FBXO31: variants seen among roughly 807,000 people sequenced by gnomAD.
FBXO31 encodes the protein F-box only protein 31.
A neutral mutation model predicts 54.4 loss-of-function variants in FBXO31; 24 were observed. The ratio of observed to expected loss-of-function variants is 0.44; its 90% CI spans 0.32 to 0.62. The LOEUF is 0.62. Among genes scored for constraint, FBXO31 ranks in the 20% least tolerant of loss-of-function variants. The pLI is 0.05. For synonymous variants in FBXO31, 388 were observed against 335.6 expected (o/e 1.16, Z -1.71); for missense variants, 665 against 787.1 (o/e 0.84, Z 1.86).
At chr16:87,387,088 C>T (rs1390342071), upstream of FBXO31, among the ~76,000 whole-genome samples, 1 of 151,594 alleles carries the variant, frequency 6.6e-6, no homozygotes, top group East Asian at 2.0e-4. Flanking sequence ...TGCTTGAGCC[C>T]AGGAGACTAG....
chr16:87,388,425 C>T (rs973176478), upstream of FBXO31, among the ~76,000 whole-genome samples: 3 of 152,212 alleles, frequency 2.0e-5, no homozygotes, highest in East Asian at 5.8e-4. Context: ...AAGAGCAAAG[C>T]GATGACACCA....
rs567869152 is a variant in FBXO31, at chr16:87,360,425, G to A, written c.341-59C>T. The A allele has an allele frequency of 7.0e-5, 105 of 1,498,886 alleles. No homozygotes were observed. In the African/African-American group the frequency reaches 8.2e-4, roughly 12 times the overall value. 92.8% of individuals were successfully genotyped at this position (1,498,886 alleles called of 1,614,324 possible). A position where few individuals can be genotyped will look rare whatever the true frequency, so the allele number is the denominator to read the frequency against. On this transcript the variant is annotated intron_variant, in intron 1 of 8. Coordinates refer to ENST00000311635, the MANE Select transcript of FBXO31 (RefSeq NM_024735.5). The stretch of plus-strand genomic sequence containing the variant: ...CAACAACTCATAACGCGACAGACGT[G>A]GGCAGGCTGCTGATGGCTGGCAGGG...
chr16:87,340,266 G>C (rs896110526), intron 5 of FBXO31, among the ~76,000 whole-genome samples: 2 of 152,226 alleles, frequency 1.3e-5, no homozygotes, highest in Admixed American at 6.5e-5. Flanking sequence ...CAGTGTGGGG[G>C]ACAGGGCGAG....
chr16:87,356,359 A>C (rs1905891726), intron 2 of FBXO31, among the ~76,000 whole-genome samples: 1 of 152,204 alleles, frequency 6.6e-6, no homozygotes, highest in African/African-American at 2.4e-5. Flanking sequence ...CTGACTGCTC[A>C]GAGGAAGGGC....
At chr16:87,376,407 G>A (rs1906827034) in intron 1 of FBXO31, among the ~76,000 whole-genome samples, 1 of 151,898 alleles carries the variant, frequency 6.6e-6, no homozygotes, top group South Asian at 2.1e-4. Flanking sequence ...CCAAGTAACT[G>A]GGATTACAGG....
intron 2 of FBXO31, among the ~76,000 whole-genome samples, chr16:87,350,513 C>G (rs1318914364): frequency 1.3e-5 from 2 of 152,298 alleles, no homozygotes; most frequent in South Asian, 2.1e-4. Context: ...GAACCATAAA[C>G]ACACACTGAT....
intron 1 of FBXO31, chr16:87,362,437 G>T (rs993031996): frequency 6.6e-6 from 1 of 151,906 alleles, no homozygotes; most frequent in African/African-American, 2.4e-5. Flanking sequence ...TGTTGCCCAG[G>T]CTGTAGTGTA....
At chr16:87,384,100 G>A (rs9972730), upstream of FBXO31, 66,064 of 158,864 alleles carry the variant, frequency 0.42, 15,567 homozygotes, top group Non-Finnish European at 0.55. Flanking sequence ...GAGGCTGCTC[G>A]GCGACCACTT....
At chr16:87,382,840 T>TCAC (rs1794126395) in intron 1 of FBXO31, among the ~76,000 whole-genome samples, 1 of 152,172 alleles carries the variant, frequency 6.6e-6, no homozygotes, top group Non-Finnish European at 1.5e-5. Context: ...TTTACCATCT[T>TCAC]CACCAGGCTG....
At chr16:87,390,652 G>C (rs1216671923), upstream of FBXO31, among the ~76,000 whole-genome samples, 1 of 152,058 alleles carries the variant, frequency 6.6e-6, no homozygotes, top group African/African-American at 2.4e-5. Flanking sequence ...ATGTTGACCA[G>C]GCTGGTCTCG....
At position 87,345,973 on chromosome 16, in the gene FBXO31, C is replaced by T. The variant is rs1905367766; in HGVS notation, c.489+1201G>A. 6.6e-6 allele frequency among the ~76,000 whole-genome samples: 1 copy of T among 152,104 alleles called. No homozygotes were observed. The highest frequency in any genetic ancestry group is 1.5e-5 in the Non-Finnish European group (1 of 68,032). On this transcript the variant is annotated intron_variant, in intron 3 of 8. Transcript: ENST00000311635. This position sits in a 1 kb window ranked among gnomAD's most constrained non-coding sequence, Gnocchi z 4.9. ...CACAGGCAGTTGCACGAGGCACCTGCGGAATCCTGAGTGAGGGGTGGGAGG... is the reference window on the plus strand; with the variant it reads ...CACAGGCAGTTGCACGAGGCACCTGTGGAATCCTGAGTGAGGGGTGGGAGG...
chr16:87,356,949 A>G (rs1239853264), intron 2 of FBXO31, among the ~76,000 whole-genome samples: 1 of 152,176 alleles, frequency 6.6e-6, no homozygotes, highest in Non-Finnish European at 1.5e-5. Context: ...CTCTGAGCTA[A>G]TAAAAAGTGG....
chr16:87,389,070 C>T (rs1036301348), intron 1 of FBXO31, among the ~76,000 whole-genome samples: 1 of 152,006 alleles, frequency 6.6e-6, no homozygotes, highest in Non-Finnish European at 1.5e-5. Context: ...TTCATAAATA[C>T]TCAAGCACAC....
rs187877418 is a variant in FBXO31 at position 87,378,843 on chromosome 16, T to C, written c.340+4562A>G. On this transcript the variant is annotated intron_variant, in intron 1 of 8. Coordinates refer to ENST00000311635, the MANE Select transcript of FBXO31 (RefSeq NM_024735.5). ...AGGGCACGGTGGCGGGCGCCTGTAG[T>C]CCCAGCTACTCGGGAGGCTGAGGCA... is the stretch of plus-strand genomic sequence containing the variant. Among the ~76,000 whole-genome samples, 393 of 151,430 alleles carry C rather than the reference T, an allele frequency of 2.6e-3. 4 individuals carry two copies. The highest frequency in any genetic ancestry group is 9.3e-3 in the African/African-American group (385 of 41,190).
In FBXO31 at chr16:87,331,239, G is replaced by A; in HGVS notation, c.*49C>T. The A allele has an allele frequency of 1.3e-6, 2 of 1,581,284 alleles. No homozygotes were observed. The highest frequency in any genetic ancestry group is 1.7e-6 in the Non-Finnish European group (2 of 1,152,406). ...ATGCTGCTTCTATTCACAGGTCAGA[G>A]TTCAGAGCCCCAGAGCCACCCGGGA... On this transcript the variant is annotated 3_prime_UTR_variant, in exon 9 of 9. Transcript: ENST00000311635.
At chr16:87,390,826 G>A (rs1207192783), upstream of FBXO31, among the ~76,000 whole-genome samples, 1 of 151,952 alleles carries the variant, frequency 6.6e-6, no homozygotes, top group Non-Finnish European at 1.5e-5. Flanking sequence ...CAAACTCCTG[G>A]GCTCAAGCGA....
chr16:87,365,025 ATATATATATATAT>A (rs1183065375), intron 1 of FBXO31, among the ~76,000 whole-genome samples: 2 of 103,854 alleles, frequency 1.9e-5, no homozygotes, highest in African/African-American at 7.6e-5. Context: ...ATATATATAT[ATATATATATATAT>A]ATCAGGCAGG....
At chr16:87,372,150 G>A (rs1474338148) in intron 1 of FBXO31, among the ~76,000 whole-genome samples, 2 of 152,116 alleles carry the variant, frequency 1.3e-5, no homozygotes, top group Admixed American at 6.5e-5. Context: ...TATGAACCCA[G>A]GATGTGGAGG....
chr16:87,370,622 G>A (rs1271549761), intron 1 of FBXO31, among the ~76,000 whole-genome samples: 8 of 152,144 alleles, frequency 5.3e-5, no homozygotes, highest in African/African-American at 9.7e-5. Context: ...GGGCATGCAG[G>A]CAGGGAACCC....
Sources: allele counts gnomAD v4.1 joint callset (sites outside exome capture counted in the v4.1 genomes callset), GRCh38; gene constraint gnomAD v4.1.1; non-coding constraint Gnocchi (gnomAD v3.1); transcripts MANE v1.5; gene names NCBI Gene and HGNC (gene_info 2026-07-23, HGNC 2026-07-21).